ENOX1: variants seen among roughly 807,000 people sequenced by gnomAD.
ENOX1 encodes the protein candidate growth-related and time keeping constitutive hydroquinone (NADH) oxidase.
ENOX1 carries 42 observed loss-of-function variants against 82.5 expected under a neutral mutation model. The ratio of observed to expected loss-of-function variants is 0.51; its 90% CI spans 0.40 to 0.66. The LOEUF is 0.66. Ranked by LOEUF, ENOX1 falls within the 30% of genes least tolerant of loss-of-function variation. The pLI is 0.00. For missense variants in ENOX1, 608 were observed against 811.6 expected, an observed-to-expected ratio of 0.75 and a Z score of 3.05; for synonymous variants, 271 against 282.2, an observed-to-expected ratio of 0.96 and a Z score of 0.40.
intron 1 of ENOX1, among the ~76,000 whole-genome samples, chr13:43,730,485 A>G (rs1007608548): frequency 3.3e-5 from 5 of 152,172 alleles, no homozygotes; most frequent in African/African-American, 1.2e-4. Context: ...CAAGATTTTA[A>G]TAATTCTTCT....
At chr13:43,562,536 C>T (rs2079728528) in intron 2 of ENOX1, among the ~76,000 whole-genome samples, 1 of 152,104 alleles carries the variant, frequency 6.6e-6, no homozygotes, top group Non-Finnish European at 1.5e-5. Flanking sequence ...CCAATAATAA[C>T]ACTGAATGTA....
intron 11 of ENOX1, among the ~76,000 whole-genome samples, chr13:43,303,246 G>A (rs372374457): frequency 2.0e-5 from 3 of 152,234 alleles, no homozygotes; most frequent in African/African-American, 4.8e-5. Flanking sequence ...ATATCTGTGT[G>A]CCTTCAACGG....
chr13:43,709,601 AGAT>A (rs1367264908), intron 1 of ENOX1, among the ~76,000 whole-genome samples: 9 of 151,922 alleles, frequency 5.9e-5, no homozygotes, highest in African/African-American at 1.7e-4. Flanking sequence ...AGAAGGAAGA[AGAT>A]GAGGAGGAGA....
chr13:43,368,370 T>A (rs571193253), intron 5 of ENOX1, among the ~76,000 whole-genome samples: 4 of 152,272 alleles, frequency 2.6e-5, no homozygotes, highest in African/African-American at 9.6e-5. Flanking sequence ...AAATATGACA[T>A]GACACGAAGC....
rs141746967 is a variant in ENOX1, at chr13:43,487,046, C to T, written c.-218-2894G>A. On this transcript the variant is annotated intron_variant, in intron 2 of 16. Coordinates refer to ENST00000690772, the MANE Select transcript of ENOX1 (RefSeq NM_001347969.2). ...ATTAGCCAGGTATGGTGGTGCATGCCTGTAATCCCAGCTACTCAGGAGGCT... is the reference window on the plus strand; with the variant it reads ...ATTAGCCAGGTATGGTGGTGCATGCTTGTAATCCCAGCTACTCAGGAGGCT... Among the ~76,000 whole-genome samples the T allele has an allele frequency of 2.8e-3, 432 of 152,194 alleles. 1 individual carries two copies. The highest frequency in any genetic ancestry group is 0.01 in the African/African-American group (416 of 41,524).
At chr13:43,630,529 C>T (rs370405472) in intron 2 of ENOX1, among the ~76,000 whole-genome samples, 12 of 151,982 alleles carry the variant, frequency 7.9e-5, no homozygotes, top group African/African-American at 2.9e-4. Context: ...GTTGGTTTTA[C>T]TTCAAAAGCT....
chr13:43,393,324 CT>C (rs2052917673), intron 5 of ENOX1, among the ~76,000 whole-genome samples: 1 of 152,082 alleles, frequency 6.6e-6, no homozygotes, highest in Non-Finnish European at 1.5e-5. Context: ...TTAATTTCTT[CT>C]TTTCAAATTG....
rs528636160 is a variant in ENOX1, at chr13:43,468,356, T to A, written c.-75+15653A>T. Among the ~76,000 whole-genome samples the A allele has an allele frequency of 1.8e-4, 28 of 152,048 alleles. No homozygotes were observed. The South Asian group carries it at 5.8e-3, about 32-fold the overall frequency. On this transcript the variant is annotated intron_variant, in intron 3 of 16. Coordinates refer to ENST00000690772, the MANE Select transcript of ENOX1 (RefSeq NM_001347969.2). ...GCCACCACACCCAGCTAATTTTTTA[T>A]ATTTTTAGTAGAGATGGGGTTTCAC...
intron 3 of ENOX1, among the ~76,000 whole-genome samples, chr13:43,461,152 G>C (rs1205234892): frequency 1.3e-5 from 2 of 152,220 alleles, no homozygotes; most frequent in Non-Finnish European, 2.9e-5. Context: ...CATGTTTGAA[G>C]TTCCCCAGCC....
chr13:43,559,938 A>G (rs1274301409), intron 2 of ENOX1, among the ~76,000 whole-genome samples: 2 of 152,226 alleles, frequency 1.3e-5, no homozygotes, highest in Non-Finnish European at 2.9e-5. Flanking sequence ...AAAACTTTCA[A>G]GTAGTTCAAT....
At chr13:43,704,473 A>C (rs1454707217) in intron 1 of ENOX1, among the ~76,000 whole-genome samples, 1 of 152,154 alleles carries the variant, frequency 6.6e-6, no homozygotes, top group East Asian at 1.9e-4. Flanking sequence ...AAAGAAAAAA[A>C]AACAACACAC....
At chr13:43,678,384 A>G (rs2085619522) in intron 1 of ENOX1, among the ~76,000 whole-genome samples, 1 of 152,200 alleles carries the variant, frequency 6.6e-6, no homozygotes, top group Non-Finnish European at 1.5e-5. Flanking sequence ...ATTATGTAAC[A>G]TAGTATCCTG....
At chr13:43,719,670 C>A (rs2088430962) in intron 1 of ENOX1, among the ~76,000 whole-genome samples, 1 of 152,058 alleles carries the variant, frequency 6.6e-6, no homozygotes, top group South Asian at 2.1e-4. Flanking sequence ...ACGTAGCGCA[C>A]CAAGTGTGGA....
chr13:43,367,044 CAT>C (rs1236586920), intron 5 of ENOX1, among the ~76,000 whole-genome samples: 1 of 152,150 alleles, frequency 6.6e-6, no homozygotes, highest in African/African-American at 2.4e-5. Flanking sequence ...ATTTGACAAA[CAT>C]ATGAGTGCCT....
At chr13:43,370,892 T>C in intron 5 of ENOX1, among the ~76,000 whole-genome samples, 1 of 130,784 alleles carries the variant, frequency 7.6e-6, no homozygotes, top group East Asian at 2.0e-4. Flanking sequence ...GTAGCTTCTA[T>C]ATCCCCCCTG....
Position 43,344,646 on chromosome 13 carries a change from C to G in ENOX1, c.928G>C (p.Ala310Pro). The stretch of plus-strand genomic sequence containing the variant: ...ATTAGCCGGCGGACGTGGCTGTTGG[C>G]CGACTGCACCATGGAATAGAACTGG... ...ANQFYSMVQS[A>P]NSHVRRLMNE... The change falls in exon 9 of 17, where the codon GCC (alanine) becomes CCC (proline). Residue 310 changes from alanine (A) to proline (P), a missense_variant. By Grantham distance (27) the Ala-to-Pro change is conservative. Transcript: ENST00000690772. 1 of 1,614,102 alleles carries G rather than the reference C, an allele frequency of 6.2e-7. No homozygotes were observed. The highest frequency in any genetic ancestry group is 2.2e-5 in the East Asian group (1 of 44,864).
intron 2 of ENOX1, among the ~76,000 whole-genome samples, chr13:43,540,187 C>T (rs1387023212): frequency 6.6e-6 from 1 of 152,198 alleles, no homozygotes; most frequent in African/African-American, 2.4e-5. Context: ...ACCATCTTAG[C>T]ATCTACTCAG....
chr13:43,284,814 AAGAG>A (rs2045597609), intron 12 of ENOX1, among the ~76,000 whole-genome samples: 1 of 106,674 alleles, frequency 9.4e-6, no homozygotes, highest in Non-Finnish European at 2.1e-5. Context: ...GTGTGTGTGT[AAGAG>A]AGAGAGGGGA....
At chr13:43,556,710 G>A (rs1301304440) in intron 2 of ENOX1, among the ~76,000 whole-genome samples, 6 of 148,246 alleles carry the variant, frequency 4.0e-5, no homozygotes, top group Admixed American at 2.0e-4. Context: ...AAAGTTCCCA[G>A]AAGGTTCTAT....
Sources: gnomAD v4.1 joint callset for allele counts (sites outside exome capture counted in the v4.1 genomes callset) on GRCh38, gnomAD v4.1.1 for gene constraint, MANE v1.5 for transcripts, NCBI Gene and HGNC (gene_info 2026-07-23, HGNC 2026-07-21) for gene names.